Variants in BARD1 observed in about 807,000 individuals in gnomAD.
BARD1 encodes BRCA1-associated RING domain protein 1.
BARD1 carries 73 observed loss-of-function variants against 77.0 expected under a neutral mutation model. The observed-to-expected ratio is 0.95, with a 90% confidence interval of 0.79 to 1.15. The LOEUF (loss-of-function observed/expected upper bound fraction) is 1.15. Among genes scored for constraint, BARD1 ranks in the 50% most tolerant of loss-of-function variants. The pLI is 0.00. For synonymous variants in BARD1, 384 were observed against 338.0 expected (o/e 1.14, Z -1.49); for missense variants, 993 against 938.8 (o/e 1.06, Z -0.75).
intron 4 of BARD1, among the ~76,000 whole-genome samples, chr2:214,771,972 G>C (rs6717011): frequency 0.085 from 12,485 of 147,282 alleles, 671 homozygotes; most frequent in African/African-American, 0.14. Flanking sequence ...TCTTAACAGT[G>C]CAAATTCTAC....
rs1475396127 is a variant in BARD1 at position 214,792,290 on chromosome 2, T to C, written c.364+7A>G. ...ATTTAACTAAGAGAGATAGGGATAG[T>C]TCTTACCTGACAGCTCATTGTCATG... On this transcript the variant is annotated splice_region_variant and intron_variant, in intron 3 of 10. Coordinates refer to ENST00000260947, the MANE Select transcript of BARD1 (RefSeq NM_000465.4). 6.2e-7 allele frequency: 1 copy of C among 1,613,076 alleles called. No individual in the cohort carries two copies. The highest frequency in any genetic ancestry group is 2.2e-5 in the East Asian group (1 of 44,828).
intron 5 of BARD1, 70 bp from the exon 6 acceptor site, chr2:214,767,724 A>ATCCATTG: frequency 7.2e-7 from 1 of 1,391,298 alleles, no homozygotes; most frequent in Non-Finnish European, 1.0e-6. Flanking sequence ...TTATAATATC[A>ATCCATTG]CACTTTAGAA....
At chr2:214,781,847 G>A (rs1158687556) in intron 3 of BARD1, among the ~76,000 whole-genome samples, 1 of 152,214 alleles carries the variant, frequency 6.6e-6, no homozygotes, top group East Asian at 1.9e-4. Flanking sequence ...ACTTATTAAA[G>A]AATTCTACAC....
chr2:214,780,377 C>T (rs184962280), intron 4 of BARD1, among the ~76,000 whole-genome samples, 183 bp downstream of exon 4: 1 of 152,294 alleles, frequency 6.6e-6, no homozygotes, highest in East Asian at 1.9e-4. Flanking sequence ...GACTCAGGGG[C>T]CACTGCTCCA....
chr2:214,735,452 ATTGATTTGGGG>A (rs1559378194), intron 9 of BARD1, among the ~76,000 whole-genome samples: 1 of 152,190 alleles, frequency 6.6e-6, no homozygotes, highest in Non-Finnish European at 1.5e-5. Flanking sequence ...CACTGTGAGT[ATTGATTTGGGG>A]ATTACAAGAA....
chr2:214,792,782 T>C (rs1178964784), intron 2 of BARD1, among the ~76,000 whole-genome samples: 1 of 152,158 alleles, frequency 6.6e-6, no homozygotes, highest in South Asian at 2.1e-4. Context: ...ACTTTTTCTA[T>C]CTTAACATTG....
At chr2:214,735,836 G>A (rs1240172342) in intron 9 of BARD1, among the ~76,000 whole-genome samples, 1 of 152,130 alleles carries the variant, frequency 6.6e-6, no homozygotes. Flanking sequence ...TCCAAAAGCA[G>A]AGGTTTGTCA....
At chr2:214,735,360 G>A (rs778370417) in intron 9 of BARD1, among the ~76,000 whole-genome samples, 4 of 152,140 alleles carry the variant, frequency 2.6e-5, no homozygotes, top group Non-Finnish European at 5.9e-5. Context: ...AGGAGGTAAA[G>A]TATCACCTTG....
chr2:214,756,534 T>A (rs1693701784), intron 6 of BARD1, among the ~76,000 whole-genome samples: 1 of 152,190 alleles, frequency 6.6e-6, no homozygotes, highest in Non-Finnish European at 1.5e-5. Flanking sequence ...CACATGCATG[T>A]TTATAGCAGC....
intron 2 of BARD1, among the ~76,000 whole-genome samples, chr2:214,795,308 G>A (rs573781197): frequency 6.6e-6 from 1 of 152,134 alleles, no homozygotes; most frequent in Non-Finnish European, 1.5e-5. Flanking sequence ...AAGTCCTGGG[G>A]CGGGAGTGAA....
chr2:214,757,316 G>A (rs1693739604), intron 6 of BARD1, among the ~76,000 whole-genome samples: 1 of 148,682 alleles, frequency 6.7e-6, no homozygotes, highest in South Asian at 2.1e-4. Flanking sequence ...ATGTACTCTT[G>A]CGCTATTCCT....
intron 1 of BARD1, among the ~76,000 whole-genome samples, chr2:214,799,108 C>T (rs934970472): frequency 3.9e-5 from 6 of 152,012 alleles, no homozygotes; most frequent in East Asian, 1.9e-4. Context: ...CAGAGCGAGA[C>T]CCTGTATCAA....
rs1692157923 is a variant in BARD1 at position 214,728,083 on chromosome 2, T to C, written c.*593A>G. Reference sequence around the variant, plus strand: ...TGTTAATGATTAAATCACAATTTCCTGATGATATACAAGATAAAAAACAGG... The same window carrying C: ...TGTTAATGATTAAATCACAATTTCCCGATGATATACAAGATAAAAAACAGG... On this transcript the variant is annotated 3_prime_UTR_variant, in exon 11 of 11. Transcript: ENST00000260947. The C allele has an allele frequency of 4.4e-6, 1 of 227,908 alleles. No homozygotes were observed. The highest frequency in any genetic ancestry group is 2.2e-5 in the African/African-American group (1 of 45,010). 14.1% of individuals were successfully genotyped at this position (227,908 alleles called of 1,614,324 possible).
At position 214,728,426 on chromosome 2, in the gene BARD1, T is replaced by C. The variant is rs1216152061; in HGVS notation, c.*250A>G. 4 of 507,640 alleles carry C rather than the reference T, an allele frequency of 7.9e-6. No individual in the cohort carries two copies. Among genetic ancestry groups the C allele is most frequent in the Admixed American group, 6.8e-5 (2 of 29,526 alleles). 31.4% of individuals were successfully genotyped at this position (507,640 alleles called of 1,614,324 possible). ...AATCTTTGATACCCAATAATCTGAA[T>C]AGAAAGACATGATAAATCAAAAACA... On this transcript the variant is annotated 3_prime_UTR_variant, in exon 11 of 11. Coordinates refer to ENST00000260947, the MANE Select transcript of BARD1 (RefSeq NM_000465.4).
intron 4 of BARD1, among the ~76,000 whole-genome samples, chr2:214,770,231 G>A (rs928066482): frequency 2.0e-5 from 3 of 152,082 alleles, no homozygotes; most frequent in South Asian, 2.1e-4. Flanking sequence ...CCTGCTCCCC[G>A]CCCAGTTCAA....
rs189965008 is a variant in BARD1, at chr2:214,783,280, G to A, written c.365-1771C>T. The stretch of plus-strand genomic sequence containing the variant: ...CAAGGGGCAACTGTAGTAAGTTTAA[G>A]GAATTAAAGGATGGCCAGTATACCT... On this transcript the variant is annotated intron_variant, in intron 3 of 10. Transcript: ENST00000260947. Among the ~76,000 whole-genome samples, 4 of 152,230 alleles carry A rather than the reference G, an allele frequency of 2.6e-5. No homozygotes were observed. The East Asian group carries it at 7.7e-4, about 29-fold the overall frequency.
intron 7 of BARD1, among the ~76,000 whole-genome samples, chr2:214,747,244 T>C (rs1013542290): frequency 6.6e-6 from 1 of 151,978 alleles, no homozygotes; most frequent in African/African-American, 2.4e-5. Context: ...AGGAACACTT[T>C]TACACTGTTA....
At chr2:214,772,171 G>A (rs1472536739) in intron 4 of BARD1, among the ~76,000 whole-genome samples, 1 of 152,002 alleles carries the variant, frequency 6.6e-6, no homozygotes, top group Non-Finnish European at 1.5e-5. Context: ...GTCTCACTAT[G>A]TTGCCCAAAC....
rs181757348 is a variant in BARD1, at chr2:214,799,441, A to G, written c.159-2324T>C. On this transcript the variant is annotated intron_variant, in intron 1 of 10. Transcript: ENST00000260947. ...TAGATGGCTATTCAAAACAATCTCT[A>G]TGCTTCCTCATCTCATTAACTTTAC... is the stretch of plus-strand genomic sequence containing the variant. 8.4e-4 allele frequency among the ~76,000 whole-genome samples: 128 copies of G among 152,332 alleles called. 1 individual carries two copies. Among genetic ancestry groups the G allele is most frequent in the Non-Finnish European group, 3.5e-4 (24 of 68,026 alleles).
Sources: allele counts gnomAD v4.1 joint callset (sites outside exome capture counted in the v4.1 genomes callset), GRCh38; gene constraint gnomAD v4.1.1; transcripts MANE v1.5; gene names NCBI Gene and HGNC (gene_info 2026-07-23, HGNC 2026-07-21).